PDE4B: variants seen among roughly 807,000 people sequenced by gnomAD.
PDE4B encodes the protein 3',5'-cyclic-AMP phosphodiesterase 4B.
PDE4B carries 20 observed loss-of-function variants against 82.2 expected under a neutral mutation model. That is an observed-to-expected ratio of 0.24 (90% confidence interval 0.17 to 0.35). The LOEUF (loss-of-function observed/expected upper bound fraction) is 0.35, where lower values mean the gene tolerates loss of function less well. Among genes scored for constraint, PDE4B ranks in the 10% least tolerant of loss-of-function variants. The pLI is 1.00. For synonymous variants in PDE4B, 320 were observed against 318.9 expected, an observed-to-expected ratio of 1.00 and a Z score of -0.04; for missense variants, 655 against 907.2, an observed-to-expected ratio of 0.72 and a Z score of 3.57.
chr1:66,340,714 A>G (rs764287269), intron 8 of PDE4B, among the ~76,000 whole-genome samples: 1 of 152,216 alleles, frequency 6.6e-6, no homozygotes, highest in South Asian at 2.1e-4. Context: ...AAATTTGAAT[A>G]CACATACTGG....
intron 3 of PDE4B, among the ~76,000 whole-genome samples, chr1:66,028,537 A>G (rs1222419965): frequency 6.6e-6 from 1 of 152,166 alleles, no homozygotes; most frequent in Non-Finnish European, 1.5e-5. Context: ...CTCCCCAGAA[A>G]ATGGGTTTTT....
chr1:65,927,513 T>A (rs944547413), intron 3 of PDE4B, among the ~76,000 whole-genome samples: 1 of 147,680 alleles, frequency 6.8e-6, no homozygotes, highest in South Asian at 2.1e-4. Flanking sequence ...ATAATATATG[T>A]AAATATATAT....
intron 3 of PDE4B, among the ~76,000 whole-genome samples, chr1:66,173,362 C>A (rs1279409856): frequency 1.3e-5 from 2 of 152,140 alleles, no homozygotes; most frequent in South Asian, 4.1e-4. Flanking sequence ...CGGGCATAAG[C>A]CAAAATATGG....
intron 3 of PDE4B, among the ~76,000 whole-genome samples, chr1:66,179,962 T>C (rs936582292): frequency 6.6e-6 from 1 of 152,198 alleles, no homozygotes; most frequent in Non-Finnish European, 1.5e-5. Context: ...CCATCCCTAT[T>C]CTATAGAAAG....
intron 1 of PDE4B, among the ~76,000 whole-genome samples, chr1:65,830,612 C>A (rs914490122): frequency 2.0e-5 from 3 of 152,106 alleles, no homozygotes; most frequent in African/African-American, 7.2e-5. Flanking sequence ...CCAAATTGAG[C>A]AACATTCTAC....
intron 1 of PDE4B, among the ~76,000 whole-genome samples, chr1:65,893,508 T>C (rs1333320876): frequency 6.6e-6 from 1 of 152,042 alleles, no homozygotes; most frequent in Non-Finnish European, 1.5e-5. Context: ...GATGTTGGCA[T>C]GGATGTGGTG....
At chr1:65,828,522 A>G (rs1485644527) in intron 1 of PDE4B, among the ~76,000 whole-genome samples, 1 of 152,206 alleles carries the variant, frequency 6.6e-6, no homozygotes, top group African/African-American at 2.4e-5. Context: ...CTGGGATTAC[A>G]GGGGTGAGCC....
intron 1 of PDE4B, among the ~76,000 whole-genome samples, chr1:65,903,710 G>A (rs1322207132): frequency 6.6e-6 from 1 of 152,096 alleles, no homozygotes; most frequent in African/African-American, 2.4e-5. Context: ...ACAATATTAT[G>A]TGGCATTCTA....
chr1:65,971,505 C>A (rs1052759052), intron 3 of PDE4B, among the ~76,000 whole-genome samples: 2 of 152,044 alleles, frequency 1.3e-5, no homozygotes, highest in African/African-American at 4.8e-5. Flanking sequence ...CTAAGGGAAT[C>A]ATTTCATGAA....
intron 1 of PDE4B, among the ~76,000 whole-genome samples, chr1:65,825,321 T>A (rs1646001607): frequency 6.6e-6 from 1 of 152,106 alleles, no homozygotes; most frequent in African/African-American, 2.4e-5. Context: ...CCTAAAACAA[T>A]GAGGTGGTGG....
At chr1:65,939,273 C>T (rs1648317527) in intron 3 of PDE4B, among the ~76,000 whole-genome samples, 1 of 152,064 alleles carries the variant, frequency 6.6e-6, no homozygotes. Context: ...CAGCTTCCTC[C>T]AAGTCTAGCT....
chr1:66,262,148 A>G (rs949885970), intron 6 of PDE4B, among the ~76,000 whole-genome samples: 1 of 152,234 alleles, frequency 6.6e-6, no homozygotes, highest in African/African-American at 2.4e-5. Flanking sequence ...GTGCATATCT[A>G]TCCAAAATGT....
chr1:66,151,844 T>C (rs1053265670), intron 3 of PDE4B, among the ~76,000 whole-genome samples: 2 of 152,204 alleles, frequency 1.3e-5, no homozygotes, highest in Admixed American at 1.3e-4. Flanking sequence ...AGCTAATGAA[T>C]AAACCTGGCT....
chr1:66,070,805 G>T (rs1182164397), intron 3 of PDE4B, among the ~76,000 whole-genome samples: 2 of 151,930 alleles, frequency 1.3e-5, no homozygotes, highest in African/African-American at 4.8e-5. Context: ...TTAGTTTGTG[G>T]TTTATTTTTA....
intron 12 of PDE4B, among the ~76,000 whole-genome samples, 175 bp downstream of exon 12, chr1:66,363,746 C>T (rs79356619): frequency 0.025 from 3,854 of 151,886 alleles, 152 homozygotes; most frequent in African/African-American, 0.088. Context: ...CCCTGGACTC[C>T]CGCTTGGGCA....
intron 3 of PDE4B, among the ~76,000 whole-genome samples, chr1:65,949,741 C>G (rs1461023808): frequency 2.6e-5 from 4 of 152,010 alleles, no homozygotes; most frequent in South Asian, 2.1e-4. Context: ...ATCTAAGATA[C>G]CTGCCTCACT....
intron 3 of PDE4B, among the ~76,000 whole-genome samples, chr1:66,015,785 T>C (rs1432488387): frequency 6.6e-6 from 1 of 152,104 alleles, no homozygotes; most frequent in Admixed American, 6.6e-5. Flanking sequence ...GATTAGAACT[T>C]CTCCTGGTAT....
chr1:66,168,032 C>T (rs1170981425), intron 3 of PDE4B, among the ~76,000 whole-genome samples: 1 of 152,156 alleles, frequency 6.6e-6, no homozygotes, highest in Admixed American at 6.6e-5. Flanking sequence ...AGAGAGTTAC[C>T]TTGAACATTC....
At chr1:66,371,130 AT>A (rs2050759931) in intron 16 of PDE4B, among the ~76,000 whole-genome samples, 2 of 124,030 alleles carry the variant, frequency 1.6e-5, no homozygotes, top group African/African-American at 6.6e-5. Flanking sequence ...ATATATATAT[AT>A]ATAATTTTAT....
Sources: allele counts gnomAD v4.1 joint callset (sites outside exome capture counted in the v4.1 genomes callset), GRCh38; gene constraint gnomAD v4.1.1; transcripts MANE v1.5; gene names NCBI Gene and HGNC (gene_info 2026-07-23, HGNC 2026-07-21).